The following MYH6 variants were observed in gnomAD, a reference collection of about 807,000 sequenced individuals.
MYH6 encodes myosin heavy chain 6, also known as myosin-6.
A neutral mutation model predicts 223.2 loss-of-function variants in MYH6; 126 were observed. That is an observed-to-expected ratio of 0.56 (90% CI 0.49 to 0.65). The LOEUF is 0.65. MYH6 is among the 30% of genes least tolerant of loss of function. The pLI is 0.00. For missense variants in MYH6, 2,040 were observed against 2,536.4 expected (o/e 0.80, Z 4.20); for synonymous variants, 978 against 1,010.2 (o/e 0.97, Z 0.61).
intron 25 of MYH6, among the ~76,000 whole-genome samples, chr14:23,390,649 C>T (rs1260412196): frequency 6.6e-6 from 1 of 152,032 alleles, no homozygotes; most frequent in East Asian, 1.9e-4. Context: ...AGGGTAGGGG[C>T]CAGGGATGCT....
rs1238008693 is a variant in MYH6, at chr14:23,400,778, G to A, written c.1341C>T (p.Thr447=). 6.2e-7 allele frequency: 1 copy of A among 1,614,230 alleles called. No homozygotes were observed. Among genetic ancestry groups the A allele is most frequent in the Admixed American group, 1.7e-5 (1 of 60,032 alleles). The stretch of plus-strand genomic sequence containing the variant: ...ACTGGCGTGGCTGCTTGGTCTCCAG[G>A]GTGGCGTTGATGCGCGTCACCATCC... ...FNWMVTRINA[T]LETKQPRQYF... The change falls in exon 13 of 39, where the codon ACC becomes ACT. Residue 447 remains threonine (T), a synonymous_variant. Transcript: ENST00000405093.
rs146591697 is a variant in MYH6 at position 23,398,744 on chromosome 14, G to T, written c.1875C>A (p.Tyr625Ter). The T allele has an allele frequency of 1.2e-6, 2 of 1,614,200 alleles. No individual in the cohort carries two copies. The highest frequency in any genetic ancestry group is 1.7e-6 in the Non-Finnish European group (2 of 1,180,036). Residue 625 changes from tyrosine to a stop codon, truncating the protein, a stop_gained, in exon 15 of 39, where the codon TAC becomes TAA. Coordinates refer to ENST00000405093, the MANE Select transcript of MYH6 (RefSeq NM_002471.4). LOFTEE classifies it high-confidence loss of function. ...LKLMATLFSS[Y>*]ATADTGDSGK... ...CCTGCTTACCAGTATCGGCAGTTGC[G>T]TAGGAGGAGAAGAGAGTGGCCATGA...
chr14:23,407,829 A>C lies in MYH6; in HGVS notation c.-46-221T>G, dbSNP rs1486178242. 6.6e-6 allele frequency among the ~76,000 whole-genome samples: 1 copy of C among 152,176 alleles called. No homozygotes were observed. The highest frequency in any genetic ancestry group is 1.5e-5 in the Non-Finnish European group (1 of 68,030). Reference sequence around the variant, plus strand: ...AGTGCGAGGGACGGGGTGTGGAAACAGGGTTAGAAGCAGAGAGGCAGGGAG... The same window carrying C: ...AGTGCGAGGGACGGGGTGTGGAAACCGGGTTAGAAGCAGAGAGGCAGGGAG... On this transcript the variant is annotated intron_variant, in intron 1 of 38. Transcript: ENST00000405093. This position sits in a 1 kb window ranked among gnomAD's most constrained non-coding sequence, Gnocchi z 5.6.
Position 23,394,153 on chromosome 14 carries a change from T to A in MYH6, c.2600A>T (p.Lys867Met). ...EFGRIKETLE[K>M]SEARRKELEE... ...CAGCTCCTTGCGGCGAGCCTCGGAC[T>A]TCTCCAGCGTCTCTTTGATGCGCCC... The change falls in exon 21 of 39, where the codon AAG becomes ATG. Residue 867 changes from lysine (K) to methionine (M), a missense_variant. By Grantham distance (95) the Lys-to-Met change is moderately conservative (BLOSUM62 -1). Transcript: ENST00000405093. 1 of 1,614,254 alleles carries A rather than the reference T, an allele frequency of 6.2e-7. No individual in the cohort carries two copies.
chr14:23,407,272 G>A lies in MYH6; in HGVS notation c.-13-36C>T. 2.5e-6 allele frequency: 4 copies of A among 1,608,598 alleles called. No homozygotes were observed. The South Asian group carries it at 4.4e-5, about 18-fold the overall frequency. Reference sequence around the variant, plus strand: ...GACAGGAGGGCTATGTTACTCCTGAGGGAGCCCAGGCTCCAGCGAGTGGCT... The same window carrying A: ...GACAGGAGGGCTATGTTACTCCTGAAGGAGCCCAGGCTCCAGCGAGTGGCT... On this transcript the variant is annotated intron_variant, in intron 2 of 38. Coordinates refer to ENST00000405093, the MANE Select transcript of MYH6 (RefSeq NM_002471.4). This position sits in a 1 kb window ranked among gnomAD's most constrained non-coding sequence, Gnocchi z 5.6.
chr14:23,389,398 C>T lies in MYH6; in HGVS notation c.3973G>A (p.Gly1325Ser). The T allele has an allele frequency of 6.2e-7, 1 of 1,614,180 alleles. No homozygotes were observed. The highest frequency in any genetic ancestry group is 8.5e-7 in the Non-Finnish European group (1 of 1,180,002). The change falls in exon 28 of 39, where the codon GGC (glycine) becomes AGC (serine). Residue 1325 changes from glycine to serine, a missense_variant. Around this residue, in one of 4 missense-constraint regions of MYH6, gnomAD observed 1,203 missense variants for 1,400.2 expected, o/e 0.86. Transcript: ENST00000405093. ...CCCTCCCCACTGGGCCTCACCTTGC[C>T]CTCCTCCTCCAGCTGCCTTTTGAGG... ...EDLKRQLEEE[G>S]KAKNALAHAL...
chr14:23,387,467 G>T, intron 32 of MYH6, 62 bp downstream of exon 32: 1 of 1,606,748 alleles, frequency 6.2e-7, no homozygotes. Flanking sequence ...ACCCCCAGGT[G>T]AGGGAGAAGT....
At chr14:23,402,881 G>A (rs552316563) in intron 10 of MYH6, 81 bp from the exon 11 acceptor site, 32 of 852,236 alleles carry the variant, frequency 3.8e-5, no homozygotes, top group Non-Finnish European at 1.9e-6. Flanking sequence ...GGAAAGGGAG[G>A]GAGGGGCAGG....
At chr14:23,398,668 G>A in intron 15 of MYH6, 60 bp downstream of exon 15, 1 of 1,578,966 alleles carries the variant, frequency 6.3e-7, no homozygotes, top group Admixed American at 1.7e-5. Context: ...GAAGCAGCAG[G>A]ACCCTGGCCC....
Position 23,394,100 on chromosome 14 carries a change from C to T in MYH6, c.2653G>A (p.Glu885Lys). The T allele has an allele frequency of 6.2e-7, 1 of 1,614,218 alleles. No individual in the cohort carries two copies. The highest frequency in any genetic ancestry group is 2.2e-5 in the East Asian group (1 of 44,878). The change falls in exon 21 of 39, where the codon GAG (glutamate) becomes AAG (lysine). Residue 885 changes from glutamate (E) to lysine (K), a missense_variant. This residue lies in a region of MYH6 where 1,203 missense variants were observed against 1,400.2 expected (regional missense o/e 0.86). Transcript: ENST00000405093. ...LEEKMVSLLQ[E>K]KNDLQLQVQA... is the part of the protein sequence containing the mutation. ...ACTTGGAGCTGCAGGTCATTCTTCT[C>T]CTGCAGCAGGGACACCATCTTCTCC...
Position 23,407,013 on chromosome 14 carries a change from C to A in MYH6, c.201+10G>T. The A allele has an allele frequency of 2.5e-6, 4 of 1,613,792 alleles. No homozygotes were observed. The highest frequency in any genetic ancestry group is 2.5e-6 in the Non-Finnish European group (3 of 1,179,730). ...CCTTCCCTTCTGCCCCGGCGCCATG[C>A]CCTACTCACCTTCCCATTCTCGGTT... On this transcript the variant is annotated intron_variant, in intron 3 of 38. Transcript: ENST00000405093. This position sits in a 1 kb window ranked among gnomAD's most constrained non-coding sequence, Gnocchi z 5.6.
chr14:23,397,936 T>C (rs538654807), intron 15 of MYH6, among the ~76,000 whole-genome samples: 2 of 42,984 alleles, frequency 4.7e-5, no homozygotes, highest in Non-Finnish European at 9.4e-5. Flanking sequence ...CTCCTCCTCT[T>C]CTTCTTCTTC....
rs982418478 is a variant in MYH6, at chr14:23,405,451, C to T, written c.346-72G>A. ...GGGACAGGCAGTGGTGGCAGCCAGGCATGTCCCTGTTCACTCCAGCTGGCT... is the reference window on the plus strand; with the variant it reads ...GGGACAGGCAGTGGTGGCAGCCAGGTATGTCCCTGTTCACTCCAGCTGGCT... On this transcript the variant is annotated intron_variant, in intron 4 of 38. Coordinates refer to ENST00000405093, the MANE Select transcript of MYH6 (RefSeq NM_002471.4). This position sits in a 1 kb window ranked among gnomAD's most constrained non-coding sequence, Gnocchi z 4.7. The T allele has an allele frequency of 2.5e-6, 4 of 1,610,416 alleles. No homozygotes were observed. Among genetic ancestry groups the T allele is most frequent in the Non-Finnish European group, 2.5e-6 (3 of 1,177,098 alleles).
rs193050697 is a variant in MYH6, at chr14:23,406,403, A to C, written c.201+620T>G. On this transcript the variant is annotated intron_variant, in intron 3 of 38. Coordinates refer to ENST00000405093, the MANE Select transcript of MYH6 (RefSeq NM_002471.4). ...TAGCGGGTGGCAGAGCTGGGATCAG[A>C]GTCAAAAGCCCCAGGGGATTGTGGC... Among the ~76,000 whole-genome samples the C allele has an allele frequency of 4.1e-3, 626 of 152,304 alleles. 6 individuals are homozygous for C. The highest frequency in any genetic ancestry group is 4.2e-3 in the Non-Finnish European group (288 of 68,028).
At position 23,386,310 on chromosome 14, in the gene MYH6, T is replaced by G. The variant is rs981840089; in HGVS notation, c.4959+5A>C. ...CCCCTGAGGGGACCTCCCGCCCCCA[T>G]GTACCTTCAGCAAGCTCTGGAGGCT... On this transcript the variant is annotated splice_donor_5th_base_variant and intron_variant, in intron 33 of 38. Transcript: ENST00000405093. The G allele has an allele frequency of 2.5e-6, 4 of 1,614,098 alleles. No individual in the cohort carries two copies. In the East Asian group the frequency reaches 6.7e-5, roughly 27 times the overall value.
Position 23,383,292 on chromosome 14 carries a change from C to A in MYH6, c.5594G>T (p.Arg1865Leu). 4.5e-6 allele frequency: 6 copies of A among 1,324,846 alleles called. No individual in the cohort carries two copies. The highest frequency in any genetic ancestry group is 6.0e-6 in the Non-Finnish European group (6 of 1,002,656). The allele number at this position is 1,324,846 out of a possible 1,614,324, so 82.1% of individuals were successfully genotyped here. Residue 1865 changes from arginine to leucine, a missense_variant, in exon 37 of 39, where the codon CGG (arginine) becomes CTG (leucine). By Grantham distance (102) the Arg-to-Leu change is moderately radical. This residue lies in a region of MYH6 where 1,203 missense variants were observed against 1,400.2 expected (regional missense o/e 0.86). Transcript: ENST00000405093. ...QTEEDKKNLL[R>L]LQDLVDKLQL... ...CAGCTTGTCCACCAGGTCCTGTAGC[C>A]GCAGCAGGTTCTTTTTGTCTTCCTC...
intron 29 of MYH6, 65 bp from the exon 30 acceptor site, chr14:23,388,403 A>T (rs995977175): frequency 2.5e-6 from 4 of 1,592,832 alleles, no homozygotes; most frequent in Admixed American, 3.4e-5. Context: ...CCTTGGGTGG[A>T]CCTCCTTCCA....
intron 16 of MYH6, 70 bp from the exon 17 acceptor site, chr14:23,397,327 C>T: frequency 1.4e-6 from 2 of 1,451,750 alleles, no homozygotes; most frequent in Non-Finnish European, 1.9e-6. Flanking sequence ...ACCCTGGTCC[C>T]CAGACACTCT....
rs774086212 is a variant in MYH6, at chr14:23,407,002, C to T, written c.201+21G>A. On this transcript the variant is annotated intron_variant, in intron 3 of 38. Coordinates refer to ENST00000405093, the MANE Select transcript of MYH6 (RefSeq NM_002471.4). This position sits in a 1 kb window ranked among gnomAD's most constrained non-coding sequence, Gnocchi z 5.6. ...TTCCCAGACCTCCTTCCCTTCTGCC[C>T]CGGCGCCATGCCCTACTCACCTTCC... 1.9e-6 allele frequency: 3 copies of T among 1,612,274 alleles called. No individual in the cohort carries two copies. The African/African-American group carries it at 4.0e-5, about 22-fold the overall frequency.
Sources: allele counts gnomAD v4.1 joint callset (sites outside exome capture counted in the v4.1 genomes callset), GRCh38; gene constraint gnomAD v4.1.1; regional missense constraint gnomAD v4.1.1; non-coding constraint Gnocchi (gnomAD v3.1); transcripts MANE v1.5; gene names NCBI Gene and HGNC (gene_info 2026-07-23, HGNC 2026-07-21).